SNX29: variants seen among roughly 807,000 people sequenced by gnomAD.
The protein encoded by SNX29 is sorting nexin 29.
Under a neutral mutation model 102.1 loss-of-function variants are expected in SNX29, and 78 were observed. The observed-to-expected ratio is 0.76, with a 90% CI of 0.64 to 0.92. The LOEUF (loss-of-function observed/expected upper bound fraction) is 0.92. Ranked by LOEUF, SNX29 falls within the 40% of genes least tolerant of loss-of-function variation. The probability of loss-of-function intolerance (pLI) is 0.00; values close to 1 mark genes in which losing one functional copy is unlikely to be tolerated. For missense variants in SNX29, 1,280 were observed against 1,061.7 expected (o/e 1.21, Z -2.86); for synonymous variants, 580 against 414.5 (o/e 1.40, Z -4.85).
At chr16:12,182,806 C>T (rs1219086141) in intron 13 of SNX29, among the ~76,000 whole-genome samples, 2 of 151,820 alleles carry the variant, frequency 1.3e-5, no homozygotes, top group African/African-American at 4.8e-5. Context: ...TGGTGGTGGG[C>T]ACCTGTAGTC....
chr16:12,138,206 CT>C (rs58229550), intron 13 of SNX29, among the ~76,000 whole-genome samples: 198 of 123,000 alleles, frequency 1.6e-3, no homozygotes, highest in African/African-American at 2.0e-3. Context: ...ATTTGTCACT[CT>C]TTTTTTTTTT....
chr16:12,471,754 T>G (rs1421381424), intron 18 of SNX29, among the ~76,000 whole-genome samples: 1 of 152,242 alleles, frequency 6.6e-6, no homozygotes, highest in Non-Finnish European at 1.5e-5. Flanking sequence ...GTATCAATCT[T>G]AAGTTTATGG....
chr16:12,020,191 C>A (rs891860243), intron 3 of SNX29, among the ~76,000 whole-genome samples: 1 of 151,682 alleles, frequency 6.6e-6, no homozygotes, highest in African/African-American at 2.4e-5. Context: ...GGTGCGATCC[C>A]GGCTCACTGT....
At chr16:12,481,554 A>ACACCCCC in intron 19 of SNX29, among the ~76,000 whole-genome samples, 1 of 117,670 alleles carries the variant, frequency 8.5e-6, no homozygotes, top group East Asian at 2.2e-4. Flanking sequence ...ACACACACAC[A>ACACCCCC]CCCCAAATGT....
chr16:12,362,941 T>C (rs2082349717), intron 16 of SNX29, among the ~76,000 whole-genome samples: 1 of 152,158 alleles, frequency 6.6e-6, no homozygotes, highest in South Asian at 2.1e-4. Flanking sequence ...ATTGAGTGAA[T>C]GAATGAATGT....
intron 20 of SNX29, among the ~76,000 whole-genome samples, chr16:12,549,907 C>T (rs953488997): frequency 2.6e-5 from 4 of 152,190 alleles, no homozygotes; most frequent in African/African-American, 9.7e-5. Context: ...AAATGATGGC[C>T]CACAGGCCAA....
chr16:12,186,015 A>C (rs1031470734), intron 13 of SNX29, among the ~76,000 whole-genome samples: 10 of 152,208 alleles, frequency 6.6e-5, no homozygotes, highest in African/African-American at 2.2e-4. Context: ...GTATTTATCA[A>C]AGTAATAATA....
chr16:12,524,143 C>G (rs565779623), intron 19 of SNX29, among the ~76,000 whole-genome samples: 33 of 152,168 alleles, frequency 2.2e-4, no homozygotes, highest in Non-Finnish European at 7.3e-5. Flanking sequence ...GCGTCTGCAT[C>G]GTGGCCCACG....
chr16:12,080,551 T>G (rs1345218497), intron 11 of SNX29, among the ~76,000 whole-genome samples: 1 of 152,216 alleles, frequency 6.6e-6, no homozygotes, highest in Non-Finnish European at 1.5e-5. Flanking sequence ...TTTTATTTAT[T>G]TATTTTTTTG....
chr16:12,145,000 C>T (rs1209814195), intron 13 of SNX29, among the ~76,000 whole-genome samples: 1 of 152,330 alleles, frequency 6.6e-6, no homozygotes, highest in Non-Finnish European at 1.5e-5. Flanking sequence ...GGATTACAGG[C>T]GTGAGCCGCT....
chr16:12,085,540 T>TG (rs1271635631), intron 11 of SNX29, among the ~76,000 whole-genome samples: 1 of 152,198 alleles, frequency 6.6e-6, no homozygotes, highest in Non-Finnish European at 1.5e-5. Flanking sequence ...TTGGCTAGGC[T>TG]GGTCTCAAAC....
chr16:12,144,119 C>G (rs145648493), intron 13 of SNX29, among the ~76,000 whole-genome samples: 141 of 152,274 alleles, frequency 9.3e-4, no homozygotes, highest in African/African-American at 3.1e-3. Context: ...CTGCTGGTTC[C>G]TAGACCACAC....
chr16:12,454,939 G>A (rs2086470492), intron 18 of SNX29, among the ~76,000 whole-genome samples: 1 of 152,060 alleles, frequency 6.6e-6, no homozygotes, highest in Non-Finnish European at 1.5e-5. Context: ...GCAGAGATGG[G>A]GTTTCACCAT....
rs539173000 is a variant in SNX29, at chr16:12,535,314, T to C, written c.2318+10473T>C. ...CCACCATGCCCAGCTAATTTTTGTA[T>C]TTTTAGTAGAGATGAGGTTTCGTGT... On this transcript the variant is annotated intron_variant, in intron 20 of 20. Coordinates refer to ENST00000566228, the MANE Select transcript of SNX29 (RefSeq NM_032167.5). Among the ~76,000 whole-genome samples the C allele has an allele frequency of 2.6e-5, 4 of 152,254 alleles. No individual in the cohort carries two copies. In the East Asian group the frequency reaches 7.7e-4, roughly 29 times the overall value.
intron 14 of SNX29, among the ~76,000 whole-genome samples, chr16:12,275,071 A>G (rs566995311): frequency 5.9e-5 from 9 of 152,010 alleles, no homozygotes; most frequent in African/African-American, 1.9e-4. Flanking sequence ...CTCAAATGGG[A>G]TGTGATTTCT....
At chr16:12,499,888 G>C (rs1480248830) in intron 19 of SNX29, among the ~76,000 whole-genome samples, 1 of 152,126 alleles carries the variant, frequency 6.6e-6, no homozygotes, top group Non-Finnish European at 1.5e-5. Context: ...TGTTGCCCAG[G>C]CTGGTCTCAA....
At chr16:12,002,250 C>A (rs1057345069) in intron 2 of SNX29, among the ~76,000 whole-genome samples, 16 of 151,880 alleles carry the variant, frequency 1.1e-4, no homozygotes, top group African/African-American at 3.9e-4. Flanking sequence ...GAGTTCAAGA[C>A]CAGCCTGACC....
At position 12,469,155 on chromosome 16, in the gene SNX29, A is replaced by C. The variant is rs74012620; in HGVS notation, c.2038-8564A>C. ...CTGTGGAATGGTGCTGGCAATTCTT[A>C]GTAAATAATGCATTTCCTCTTGTAC... On this transcript the variant is annotated intron_variant, in intron 18 of 20. Coordinates refer to ENST00000566228, the MANE Select transcript of SNX29 (RefSeq NM_032167.5). Among the ~76,000 whole-genome samples the C allele has an allele frequency of 8.9e-3, 1,356 of 152,346 alleles. 27 individuals are homozygous for C. Among genetic ancestry groups the C allele is most frequent in the African/African-American group, 0.031 (1,283 of 41,576 alleles).
intron 19 of SNX29, among the ~76,000 whole-genome samples, chr16:12,503,138 AC>A (rs2089205575): frequency 6.9e-6 from 1 of 145,032 alleles, no homozygotes; most frequent in South Asian, 2.3e-4. Context: ...TCAACTGCAC[AC>A]CCCCCTGCCC....
Sources: gnomAD v4.1 joint callset for allele counts (sites outside exome capture counted in the v4.1 genomes callset) on GRCh38, gnomAD v4.1.1 for gene constraint, MANE v1.5 for transcripts, NCBI Gene and HGNC (gene_info 2026-07-23, HGNC 2026-07-21) for gene names.